CDKL5: variants seen among roughly 807,000 people sequenced by gnomAD.
The protein encoded by CDKL5 is cyclin dependent kinase like 5.
Under a neutral mutation model 61.7 loss-of-function variants are expected in CDKL5, and 8 were observed. The observed-to-expected ratio is 0.13, with a 90% CI of 0.08 to 0.23. The LOEUF (loss-of-function observed/expected upper bound fraction) is 0.23, where lower values mean the gene tolerates loss of function less well. CDKL5 is among the 10% of genes least tolerant of loss of function. The pLI, the probability that CDKL5 is intolerant of heterozygous loss-of-function variation, is 1.00. For synonymous variants in CDKL5, 275 were observed against 272.3 expected (o/e 1.01, Z -0.10); for missense variants, 440 against 734.5 (o/e 0.60, Z 4.63).
chrX:18,614,509 A>G (rs756472349), intron 15 of CDKL5, among the ~76,000 whole-genome samples: 60 of 111,865 alleles, frequency 5.4e-4, no homozygotes, highest in African/African-American at 1.8e-3. Context: ...CACCTCCCTC[A>G]TAGGGTTCAT....
At chrX:18,550,991 A>G (rs1924365836) in intron 3 of CDKL5, among the ~76,000 whole-genome samples, 1 of 111,753 alleles carries the variant, frequency 8.9e-6, no homozygotes, top group African/African-American at 3.3e-5. Context: ...TAAAAATGAG[A>G]TGCATCTCAA....
At chrX:18,443,373 G>T (rs1931798296) in intron 1 of CDKL5, among the ~76,000 whole-genome samples, 1 of 111,140 alleles carries the variant, frequency 9.0e-6, no homozygotes, top group Admixed American at 9.6e-5. Flanking sequence ...TTAAGTTTGG[G>T]GCTACATGTG....
chrX:18,571,901 TAA>T (rs1411521759), intron 4 of CDKL5, among the ~76,000 whole-genome samples: 1 of 111,572 alleles, frequency 9.0e-6, no homozygotes, highest in Non-Finnish European at 1.9e-5. Context: ...CTTTATTTCC[TAA>T]AAACAGCTGC....
intron 1 of CDKL5, among the ~76,000 whole-genome samples, chrX:18,445,336 C>G (rs990766634): frequency 2.7e-5 from 3 of 111,252 alleles, no homozygotes. Flanking sequence ...CCTCAGCCTC[C>G]CAAAGTGCTG....
intron 3 of CDKL5, among the ~76,000 whole-genome samples, chrX:18,527,463 T>C (rs1406780213): frequency 8.9e-6 from 1 of 112,004 alleles, no homozygotes; most frequent in Non-Finnish European, 1.9e-5. Flanking sequence ...TTTTGGTAAT[T>C]TGTATGTTTC....
chrX:18,519,270 G>A (rs1433749765), intron 3 of CDKL5, among the ~76,000 whole-genome samples: 2 of 112,053 alleles, frequency 1.8e-5, no homozygotes, highest in African/African-American at 3.2e-5. Context: ...ATACAATGAC[G>A]GTTGAGTAGT....
At chrX:18,592,807 G>A (rs745609677) in intron 9 of CDKL5, among the ~76,000 whole-genome samples, 1 of 112,282 alleles carries the variant, frequency 8.9e-6, no homozygotes, top group South Asian at 3.7e-4. Flanking sequence ...GGACTCACCA[G>A]TAACCAGTCC....
At chrX:18,546,736 A>G (rs1263813273) in intron 3 of CDKL5, among the ~76,000 whole-genome samples, 4 of 111,454 alleles carry the variant, frequency 3.6e-5, no homozygotes, top group Admixed American at 1.9e-4. Context: ...TGAGGTACCT[A>G]CCCTCATGGA....
intron 3 of CDKL5, among the ~76,000 whole-genome samples, chrX:18,555,261 G>A (rs1924557843): frequency 9.0e-6 from 1 of 110,892 alleles, no homozygotes; most frequent in African/African-American, 3.3e-5. Flanking sequence ...TGTCTTGGGG[G>A]GAGCACAGTC....
At chrX:18,539,786 A>G (rs1272532804) in intron 3 of CDKL5, among the ~76,000 whole-genome samples, 1 of 111,490 alleles carries the variant, frequency 9.0e-6, no homozygotes, top group East Asian at 2.8e-4. Context: ...TTATTTATAC[A>G]GTTCATTAGT....
chrX:18,646,354 A>G (rs1927772680), intron 20 of CDKL5, among the ~76,000 whole-genome samples: 1 of 111,691 alleles, frequency 9.0e-6, no homozygotes, highest in Non-Finnish European at 1.9e-5. Flanking sequence ...AGGTTTCACC[A>G]TGTTGGCTAA....
At chrX:18,438,294 G>A (rs769576075) in intron 1 of CDKL5, among the ~76,000 whole-genome samples, 119 of 108,765 alleles carry the variant, frequency 1.1e-3, no homozygotes, top group African/African-American at 3.8e-3. Context: ...TCAAACTCCT[G>A]ACCTCATGAT....
chrX:18,443,345 G>A lies in CDKL5; in HGVS notation c.-163+17650G>A, dbSNP rs375529185. On this transcript the variant is annotated intron_variant, in intron 1 of 17. Transcript: ENST00000623535. ...TATTCTCTTGTGTTTTGACAAATTT[G>A]TAAATTTTTTTTAACTTTTAAGTTT... is the stretch of plus-strand genomic sequence containing the variant. 7.2e-5 allele frequency among the ~76,000 whole-genome samples: 8 copies of A among 111,616 alleles called. No homozygotes were observed. In the East Asian group the frequency reaches 2.0e-3, roughly 27 times the overall value.
intron 3 of CDKL5, among the ~76,000 whole-genome samples, chrX:18,533,765 C>T (rs1296174432): frequency 9.0e-6 from 1 of 111,556 alleles, no homozygotes; most frequent in Non-Finnish European, 1.9e-5. Context: ...GGATTGATTG[C>T]CTGTTCCTCT....
chrX:18,504,941 A>G (rs1922523886), intron 1 of CDKL5, among the ~76,000 whole-genome samples: 1 of 110,312 alleles, frequency 9.1e-6, no homozygotes, highest in Admixed American at 9.7e-5. Flanking sequence ...TCAAAAAAAA[A>G]AAAAAAAAGA....
At chrX:18,651,052 A>G (rs2147198312) in intron 21 of CDKL5, among the ~76,000 whole-genome samples, 1 of 110,685 alleles carries the variant, frequency 9.0e-6, no homozygotes, top group Admixed American at 9.6e-5. Flanking sequence ...TTTTCTGGCA[A>G]AGACTCAATA....
intron 1 of CDKL5, among the ~76,000 whole-genome samples, chrX:18,488,635 C>A (rs1158163523): frequency 9.0e-6 from 1 of 111,662 alleles, no homozygotes; most frequent in Non-Finnish European, 1.9e-5. Context: ...ATCAGTCATG[C>A]CTACATAATG....
chrX:18,562,179 G>A (rs918781223), intron 3 of CDKL5, among the ~76,000 whole-genome samples: 13 of 111,562 alleles, frequency 1.2e-4, no homozygotes, highest in Non-Finnish European at 1.3e-4. Flanking sequence ...TTTGGCAGTG[G>A]GTGTAGAGTA....
chrX:18,477,814 A>G (rs779251654), intron 1 of CDKL5, among the ~76,000 whole-genome samples: 1 of 112,345 alleles, frequency 8.9e-6, no homozygotes, highest in African/African-American at 3.2e-5. Context: ...AACTTTATAT[A>G]ATTTCATATT....
Sources: allele counts gnomAD v4.1 joint callset (sites outside exome capture counted in the v4.1 genomes callset), GRCh38; gene constraint gnomAD v4.1.1; transcripts MANE v1.5; gene names NCBI Gene and HGNC (gene_info 2026-07-23, HGNC 2026-07-21).